Variants in ARID3A observed in about 807,000 individuals in gnomAD.
ARID3A encodes AT-rich interaction domain 3A.
Under a neutral mutation model 52.7 loss-of-function variants are expected in ARID3A, and 11 were observed. The ratio of observed to expected loss-of-function variants is 0.21; its 90% confidence interval spans 0.13 to 0.35. The LOEUF is 0.35. Among genes scored for constraint, ARID3A ranks in the 10% least tolerant of loss-of-function variants. The probability of loss-of-function intolerance (pLI) is 1.00; values close to 1 mark genes in which losing one functional copy is unlikely to be tolerated. For synonymous variants in ARID3A, 404 were observed against 359.4 expected (o/e 1.12, Z -1.40); for missense variants, 721 against 838.5 (o/e 0.86, Z 1.73).
chr19:932,411 A>T lies in ARID3A; in HGVS notation c.369-7A>T. On this transcript the variant is annotated splice_polypyrimidine_tract_variant and splice_region_variant and intron_variant, in intron 2 of 8. Coordinates refer to ENST00000263620, the MANE Select transcript of ARID3A (RefSeq NM_005224.3). The stretch of plus-strand genomic sequence containing the variant: ...CTCCCCTGACTCCTGCCCTCTGCTC[A>T]CCCCAGGAAGCCCAAATGGGAGGAG... 6.3e-7 allele frequency: 1 copy of T among 1,592,698 alleles called. No homozygotes were observed. The highest frequency in any genetic ancestry group is 8.5e-7 in the Non-Finnish European group (1 of 1,174,446).
At chr19:946,128 G>C (rs1411342755) in intron 3 of ARID3A, among the ~76,000 whole-genome samples, 1 of 152,194 alleles carries the variant, frequency 6.6e-6, no homozygotes, top group East Asian at 1.9e-4. Flanking sequence ...CGGTCTGGGG[G>C]GCGGGGACCC....
In ARID3A at chr19:938,051, G is replaced by A. The variant is rs899834982; in HGVS notation, c.693+5309G>A. Reference sequence around the variant, plus strand: ...TAGAGACGGGGTTTCACCGTGTTGGGCAGGGTGGTCTTGAACTCCCAACCT... The same window carrying A: ...TAGAGACGGGGTTTCACCGTGTTGGACAGGGTGGTCTTGAACTCCCAACCT... On this transcript the variant is annotated intron_variant, in intron 3 of 8. Coordinates refer to ENST00000263620, the MANE Select transcript of ARID3A (RefSeq NM_005224.3). The surrounding 1 kb of genome is among the most constrained non-coding windows in gnomAD (Gnocchi z 4.0). Among the ~76,000 whole-genome samples the A allele has an allele frequency of 5.9e-5, 9 of 151,728 alleles. No individual in the cohort carries two copies. Among genetic ancestry groups the A allele is most frequent in the African/African-American group, 2.2e-4 (9 of 41,252 alleles).
In ARID3A at chr19:931,148, G is replaced by A. The variant is rs891086300; in HGVS notation, c.368+1252G>A. ...ATTTCTACAAAAAGTACAAAAATTA[G>A]TCGGGTGTTGTGGCATGCATCTGTG... On this transcript the variant is annotated intron_variant, in intron 2 of 8. Coordinates refer to ENST00000263620, the MANE Select transcript of ARID3A (RefSeq NM_005224.3). Among the ~76,000 whole-genome samples, 5 of 152,044 alleles carry A rather than the reference G, an allele frequency of 3.3e-5. No individual in the cohort carries two copies. The East Asian group carries it at 5.8e-4, about 18-fold the overall frequency.
At chr19:934,552 G>A (rs1034533379) in intron 3 of ARID3A, among the ~76,000 whole-genome samples, 11 of 152,192 alleles carry the variant, frequency 7.2e-5, no homozygotes, top group Non-Finnish European at 1.3e-4. Context: ...CTGTGTCACC[G>A]GCAGCCTCAG....
At position 960,194 on chromosome 19, in the gene ARID3A, G is replaced by A; in HGVS notation, c.766+30G>A. On this transcript the variant is annotated intron_variant, in intron 4 of 8. Coordinates refer to ENST00000263620, the MANE Select transcript of ARID3A (RefSeq NM_005224.3). The surrounding 1 kb of genome is among the most constrained non-coding windows in gnomAD (Gnocchi z 4.3). ...GCCCTCTGCCCCCACCCCGCTGGAG[G>A]GAGGTCACAGAAACAGGGCTGTAGG... is the stretch of plus-strand genomic sequence containing the variant. 1 of 1,582,360 alleles carries A rather than the reference G, an allele frequency of 6.3e-7. No individual in the cohort carries two copies. The highest frequency in any genetic ancestry group is 1.1e-5 in the South Asian group (1 of 88,484).
At chr19:927,375 G>A (rs957947894) in intron 1 of ARID3A, among the ~76,000 whole-genome samples, 1 of 151,826 alleles carries the variant, frequency 6.6e-6, no homozygotes, top group Non-Finnish European at 1.5e-5. Context: ...CGATGGGGGG[G>A]CACCCAGCCC....
Position 964,549 on chromosome 19 carries a change from C to G in ARID3A, c.950+118C>G. On this transcript the variant is annotated intron_variant, in intron 5 of 8. Coordinates refer to ENST00000263620, the MANE Select transcript of ARID3A (RefSeq NM_005224.3). The surrounding 1 kb of genome is among the most constrained non-coding windows in gnomAD (Gnocchi z 5.7). ...CTGCAGAGGAGGGGGCAGTGGGCAG[C>G]CGCAAAGGGCACAGGGCCACACCGT... 1 of 1,351,166 alleles carries G rather than the reference C, an allele frequency of 7.4e-7. No homozygotes were observed. Among genetic ancestry groups the G allele is most frequent in the Non-Finnish European group, 9.9e-7 (1 of 1,006,590 alleles). The allele number at this position is 1,351,166 out of a possible 1,614,324, so 83.7% of individuals were successfully genotyped here.
chr19:934,517 G>A (rs2037399801), intron 3 of ARID3A, among the ~76,000 whole-genome samples: 1 of 152,222 alleles, frequency 6.6e-6, no homozygotes, highest in African/African-American at 2.4e-5. Context: ...TGGGGAAACT[G>A]AGGCCAGTGC....
chr19:927,864 C>T (rs2037234130), intron 1 of ARID3A, among the ~76,000 whole-genome samples: 6 of 152,010 alleles, frequency 3.9e-5, no homozygotes, highest in Admixed American at 3.9e-4. Flanking sequence ...GGAACATGCC[C>T]TCCTCGCTTT....
chr19:965,200 A>T (rs1483548138), intron 6 of ARID3A, 120 bp downstream of exon 6: 1 of 1,213,460 alleles, frequency 8.2e-7, no homozygotes, highest in Non-Finnish European at 1.1e-6. Context: ...TATAGTTGGC[A>T]TGGAAAAGGG....
At chr19:968,358 C>CAA (rs372046352) in intron 7 of ARID3A, 47 bp from the exon 8 acceptor site, 140 of 1,087,220 alleles carry the variant, frequency 1.3e-4, no homozygotes, top group Non-Finnish European at 1.4e-4. Context: ...GACTCTGTCT[C>CAA]AAAAAAAAAA....
At position 964,800 on chromosome 19, in the gene ARID3A, G is replaced by C; in HGVS notation, c.951-33G>C. ...CCAAAGAGAGCCGTAGGGGTGACCC[G>C]GGTGCCATCCTCTTCCCTCGTCCCA... On this transcript the variant is annotated intron_variant, in intron 5 of 8. Coordinates refer to ENST00000263620, the MANE Select transcript of ARID3A (RefSeq NM_005224.3). The surrounding 1 kb of genome is among the most constrained non-coding windows in gnomAD (Gnocchi z 5.7). 2 of 1,601,256 alleles carry C rather than the reference G, an allele frequency of 1.2e-6. No homozygotes were observed. The highest frequency in any genetic ancestry group is 2.2e-5 in the East Asian group (1 of 44,592).
chr19:975,699 C>T lies in ARID3A; in HGVS notation c.*3634C>T, dbSNP rs1236897966. ...CTGGCCGCGGCAGGGTGGCCTGTAA[C>T]AATTTCAGTTTTCGCAGAACATTCA... is the stretch of plus-strand genomic sequence containing the variant. On this transcript the variant is annotated 3_prime_UTR_variant, in exon 9 of 9. Coordinates refer to ENST00000263620, the MANE Select transcript of ARID3A (RefSeq NM_005224.3). 6.9e-6 allele frequency: 1 copy of T among 145,114 alleles called. No homozygotes were observed. The highest frequency in any genetic ancestry group is 1.1e-4 in the East Asian group (1 of 9,496). The allele number at this position is 145,114 out of a possible 1,614,324, so 9.0% of individuals were successfully genotyped here.
chr19:940,270 C>T (rs976186523), intron 3 of ARID3A, among the ~76,000 whole-genome samples: 4 of 152,262 alleles, frequency 2.6e-5, no homozygotes, highest in Non-Finnish European at 4.4e-5. Flanking sequence ...ATGTAAAATA[C>T]AGTAACACTA....
At chr19:955,801 C>T (rs564857176) in intron 3 of ARID3A, among the ~76,000 whole-genome samples, 1 of 152,294 alleles carries the variant, frequency 6.6e-6, no homozygotes, top group African/African-American at 2.4e-5. Context: ...CCAAGGTGTG[C>T]TGGCCTCTAC....
chr19:962,312 G>A (rs770800523), intron 4 of ARID3A, among the ~76,000 whole-genome samples: 1 of 152,060 alleles, frequency 6.6e-6, no homozygotes, highest in African/African-American at 2.4e-5. Flanking sequence ...AAGTGAGGGA[G>A]GGGTCCTGAC....
Position 973,951 on chromosome 19 carries a change from CG to C in ARID3A, c.*1889del. 1.3e-5 allele frequency: 3 copies of C among 230,720 alleles called. No homozygotes were observed. The highest frequency in any genetic ancestry group is 2.6e-5 in the Non-Finnish European group (3 of 116,520). The allele number at this position is 230,720 out of a possible 1,614,324, so 14.3% of individuals were successfully genotyped here. Reference sequence around the variant, plus strand: ...TTGGGCGGGGCTGTCGTGTCCTACACGGGAGCTCTGGGCTTTCATTTCTCTT... The same window carrying C: ...TTGGGCGGGGCTGTCGTGTCCTACACGGAGCTCTGGGCTTTCATTTCTCTT... On this transcript the variant is annotated 3_prime_UTR_variant, in exon 9 of 9. Coordinates refer to ENST00000263620, the MANE Select transcript of ARID3A (RefSeq NM_005224.3).
At chr19:950,560 C>T (rs2108675) in intron 3 of ARID3A, among the ~76,000 whole-genome samples, 5,209 of 152,234 alleles carry the variant, frequency 0.034, 213 homozygotes, top group East Asian at 0.17. Flanking sequence ...CATGTGGAGG[C>T]GCGCGTGGGG....
At chr19:939,639 C>G (rs952666626) in intron 3 of ARID3A, among the ~76,000 whole-genome samples, 22 of 152,060 alleles carry the variant, frequency 1.4e-4, no homozygotes, top group African/African-American at 5.3e-4. Flanking sequence ...CCCGCCGCTG[C>G]CTTCGAGGAG....
Sources: allele counts gnomAD v4.1 joint callset (sites outside exome capture counted in the v4.1 genomes callset), GRCh38; gene constraint gnomAD v4.1.1; non-coding constraint Gnocchi (gnomAD v3.1); transcripts MANE v1.5; gene names NCBI Gene and HGNC (gene_info 2026-07-23, HGNC 2026-07-21).